ZSWIM8: variants seen among roughly 807,000 people sequenced by gnomAD.
ZSWIM8 encodes the protein zinc finger SWIM-type containing 8.
In ZSWIM8, 27 loss-of-function variants were observed where a neutral mutation model predicts 173.7. The observed-to-expected ratio is 0.16, with a 90% CI of 0.11 to 0.21. The LOEUF is 0.21. ZSWIM8 is among the 10% of genes least tolerant of loss of function. The pLI is 1.00. For missense variants in ZSWIM8, 1,627 were observed against 2,428.8 expected (o/e 0.67, Z 6.94); for synonymous variants, 958 against 962.0 (o/e 1.00, Z 0.08).
rs1404611656 is a variant in ZSWIM8, at chr10:73,789,327, C to T, written c.458-40C>T. ...CAGGGTCAAGGGCAGAGACCCAGGT[C>T]CTGACAGCACTCCCTGACCATGCCC... On this transcript the variant is annotated intron_variant, in intron 3 of 25. Transcript: ENST00000604729. The surrounding 1 kb of genome is among the most constrained non-coding windows in gnomAD (Gnocchi z 6.8). 6.4e-7 allele frequency: 1 copy of T among 1,558,908 alleles called. No individual in the cohort carries two copies. Among genetic ancestry groups the T allele is most frequent in the Admixed American group, 1.8e-5 (1 of 54,092 alleles).
At position 73,792,396 on chromosome 10, in the gene ZSWIM8, C is replaced by T. The variant is rs569453975; in HGVS notation, c.1857C>T (p.Ala619=). 17 of 1,604,878 alleles carry T rather than the reference C, an allele frequency of 1.1e-5. 1 individual carries two copies. Among genetic ancestry groups the T allele is most frequent in the Middle Eastern group, 1.7e-4 (1 of 6,052 alleles). Residue 619 remains alanine (A), a synonymous_variant, in exon 10 of 26, where the codon GCC becomes GCT. Transcript: ENST00000604729. This position sits in a 1 kb window ranked among gnomAD's most constrained non-coding sequence, Gnocchi z 4.3. The stretch of plus-strand genomic sequence containing the variant: ...ACAGCTCCCTGGAGCCAGACCTGGC[C>T]GAGATGAGCCTGGATGACAGCAGCC... The part of the protein sequence containing the change: ...SEDSSLEPDL[A]EMSLDDSSLA...
In ZSWIM8 at chr10:73,788,807, A is replaced by G. The variant is rs1326076540; in HGVS notation, c.346A>G (p.Asn116Asp). Residue 116 changes from asparagine to aspartate, a missense_variant, in exon 2 of 26, where the codon AAT becomes GAT. Physicochemically the swap from Asn to Asp is conservative, Grantham distance 23 (BLOSUM62 1). This residue lies in a region of ZSWIM8 where 29 missense variants were observed against 108.2 expected (regional missense o/e 0.27). Transcript: ENST00000604729. The stretch of plus-strand genomic sequence containing the variant: ...AATTGCTTTTTGGAGCTTCCCTGAG[A>G]ATGAAGAGGACATTCGGTGAGGCCA... ...LRIAFWSFPE[N>D]EEDIRLYSCL... The G allele has an allele frequency of 1.2e-6, 2 of 1,613,630 alleles. No homozygotes were observed. Among genetic ancestry groups the G allele is most frequent in the Non-Finnish European group, 1.7e-6 (2 of 1,179,880 alleles).
Position 73,798,360 on chromosome 10 carries a change from G to A in ZSWIM8, c.4083G>A (p.Arg1361=). The change falls in exon 20 of 26, where the codon AGG becomes AGA. Residue 1361 remains arginine (R), a synonymous_variant. Transcript: ENST00000604729. ...ASRARDSNMV[R]AAAELALSCL... ...GGGCAAGAGACTCCAATATGGTGAG[G>A]GCGGCAGCAGAGCTGGCCCTGAGCT... is the stretch of plus-strand genomic sequence containing the variant. The A allele has an allele frequency of 3.1e-6, 5 of 1,614,030 alleles. No individual in the cohort carries two copies. Among genetic ancestry groups the A allele is most frequent in the Non-Finnish European group, 4.2e-6 (5 of 1,179,892 alleles).
chr10:73,787,652 G>A lies in ZSWIM8; in HGVS notation c.209-1018G>A, dbSNP rs111316346. ...GGATCACTTGTGGTCAGGAGTTTGA[G>A]ACCAGCTTGGCCAACATGGTGAAAC... On this transcript the variant is annotated intron_variant, in intron 1 of 25. Transcript: ENST00000604729. 5.8e-3 allele frequency among the ~76,000 whole-genome samples: 880 copies of A among 152,190 alleles called. 16 individuals are homozygous for A. The highest frequency in any genetic ancestry group is 0.02 in the African/African-American group (831 of 41,518).
chr10:73,800,422 A>G lies in ZSWIM8; in HGVS notation c.4952A>G (p.Gln1651Arg). 6.2e-7 allele frequency: 1 copy of G among 1,613,902 alleles called. No individual in the cohort carries two copies. The change falls in exon 23 of 26, where the codon CAG becomes CGG. Residue 1651 changes from glutamine to arginine, a missense_variant. Transcript: ENST00000604729. This position sits in a 1 kb window ranked among gnomAD's most constrained non-coding sequence, Gnocchi z 4.1. ...FPPPEEETHS[Q>R]PVNPHSLHHL... The stretch of plus-strand genomic sequence containing the variant: ...CCGCCCGAGGAGGAGACACACAGTC[A>G]GCCAGTCAATCCCCACAGCCTGCAC...
intron 1 of ZSWIM8, among the ~76,000 whole-genome samples, chr10:73,788,235 A>G (rs1565068744): frequency 6.7e-6 from 1 of 149,108 alleles, no homozygotes; most frequent in Non-Finnish European, 1.5e-5. Flanking sequence ...AGTAAAAGGG[A>G]TGGTTAAAAA....
At position 73,799,713 on chromosome 10, in the gene ZSWIM8, T is replaced by C. The variant is rs2083836528; in HGVS notation, c.4665+223T>C. 3 of 688,194 alleles carry C rather than the reference T, an allele frequency of 4.4e-6. No homozygotes were observed. The South Asian group carries it at 5.7e-5, about 13-fold the overall frequency. 42.6% of individuals were successfully genotyped at this position (688,194 alleles called of 1,614,324 possible). ...TGAGAGGCCGATGTGGGTGGATCAC[T>C]TGAGGTCAGGAGTTCGAGACCAGCC... On this transcript the variant is annotated intron_variant, in intron 21 of 25. Transcript: ENST00000604729.
At position 73,800,504 on chromosome 10, in the gene ZSWIM8, T is replaced by C; in HGVS notation, c.5002+32T>C. 1 of 1,610,954 alleles carries C rather than the reference T, an allele frequency of 6.2e-7. No individual in the cohort carries two copies. Among genetic ancestry groups the C allele is most frequent in the Non-Finnish European group, 8.5e-7 (1 of 1,178,150 alleles). The stretch of plus-strand genomic sequence containing the variant: ...GGACATCCCTTTCTGTGCTCCTACC[T>C]GCAGTTGTGCCAGTGGCTCTTCAGA... On this transcript the variant is annotated intron_variant, in intron 23 of 25. Coordinates refer to ENST00000604729, the MANE Select transcript of ZSWIM8 (RefSeq NM_001367799.1). The surrounding 1 kb of genome is among the most constrained non-coding windows in gnomAD (Gnocchi z 4.1).
Position 73,792,599 on chromosome 10 carries a change from G to A in ZSWIM8, c.2060G>A (p.Gly687Asp). 1.2e-6 allele frequency: 2 copies of A among 1,613,968 alleles called. No homozygotes were observed. Among genetic ancestry groups the A allele is most frequent in the Non-Finnish European group, 1.7e-6 (2 of 1,179,864 alleles). The change falls in exon 10 of 26, where the codon GGC becomes GAC. Residue 687 changes from glycine to aspartate, a missense_variant. Physicochemically the swap from Gly to Asp is moderately conservative, Grantham distance 94 (BLOSUM62 -1). Around this residue, in one of 18 missense-constraint regions of ZSWIM8, gnomAD observed 383 missense variants for 394.8 expected, o/e 0.97. Transcript: ENST00000604729. This position sits in a 1 kb window ranked among gnomAD's most constrained non-coding sequence, Gnocchi z 4.3. ...EGPEPPTASVGPPGLLPGDVC... is the reference protein window; with the variant it reads ...EGPEPPTASVDPPGLLPGDVC... ...CCTGAGCCTCCCACAGCCTCTGTTGGCCCCCCTGGCCTACTGCCTGGGGAT... is the reference window on the plus strand; with the variant it reads ...CCTGAGCCTCCCACAGCCTCTGTTGACCCCCCTGGCCTACTGCCTGGGGAT...
At position 73,792,425 on chromosome 10, in the gene ZSWIM8, C is replaced by G. The variant is rs780319048; in HGVS notation, c.1886C>G (p.Ala629Gly). ...ATGAGCCTGGATGACAGCAGCCTGG[C>G]CCTGGGCGCAGAGGCCAGCACCTTC... ...AEMSLDDSSL[A>G]LGAEASTFGG... Residue 629 changes from alanine (A) to glycine (G), a missense_variant, in exon 10 of 26, where the codon GCC becomes GGC. Ala to Gly is a moderately conservative substitution (Grantham distance 60). This residue lies in a region of ZSWIM8 where 383 missense variants were observed against 394.8 expected (regional missense o/e 0.97). Coordinates refer to ENST00000604729, the MANE Select transcript of ZSWIM8 (RefSeq NM_001367799.1). The surrounding 1 kb of genome is among the most constrained non-coding windows in gnomAD (Gnocchi z 4.3). 1.2e-6 allele frequency: 2 copies of G among 1,604,176 alleles called. No individual in the cohort carries two copies. Among genetic ancestry groups the G allele is most frequent in the South Asian group, 2.2e-5 (2 of 89,852 alleles).
Position 73,800,788 on chromosome 10 carries a change from C to G in ZSWIM8, c.5122+29C>G. The G allele has an allele frequency of 5.6e-6, 6 of 1,076,472 alleles. No homozygotes were observed. The highest frequency in any genetic ancestry group is 7.8e-6 in the Non-Finnish European group (6 of 769,252). 66.7% of individuals were successfully genotyped at this position (1,076,472 alleles called of 1,614,324 possible). On this transcript the variant is annotated intron_variant, in intron 24 of 25. Transcript: ENST00000604729. This position sits in a 1 kb window ranked among gnomAD's most constrained non-coding sequence, Gnocchi z 4.1. ...ACACCTCCCCTCCCTAGGACCATTG[C>G]CCCCCCCCCACCTGCTCTCCCCACC...
chr10:73,789,164 G>T lies in ZSWIM8; in HGVS notation c.431G>T (p.Arg144Leu). 1 of 1,613,986 alleles carries T rather than the reference G, an allele frequency of 6.2e-7. No homozygotes were observed. The highest frequency in any genetic ancestry group is 1.1e-5 in the South Asian group (1 of 91,082). ...CGAGGGGATCAGCTCTTCCGCATGCGGGCTGTGAAGGACCCATTGCAGATA... is the reference window on the plus strand; with the variant it reads ...CGAGGGGATCAGCTCTTCCGCATGCTGGCTGTGAAGGACCCATTGCAGATA... ...FQRGDQLFRM[R>L]AVKDPLQIGF... Residue 144 changes from arginine to leucine, a missense_variant, in exon 3 of 26, where the codon CGG becomes CTG. Coordinates refer to ENST00000604729, the MANE Select transcript of ZSWIM8 (RefSeq NM_001367799.1). The surrounding 1 kb of genome is among the most constrained non-coding windows in gnomAD (Gnocchi z 6.8).
rs762685477 is a variant in ZSWIM8, at chr10:73,794,347, T to C, written c.2809+17T>C. 1 of 1,611,404 alleles carries C rather than the reference T, an allele frequency of 6.2e-7. No homozygotes were observed. The highest frequency in any genetic ancestry group is 2.2e-5 in the East Asian group (1 of 44,860). ...GTGCTCCAGGTATGATGCCTGACCC[T>C]ACAGTAAGTGGGGAACTGGGGTAGG... On this transcript the variant is annotated intron_variant, in intron 13 of 25. Transcript: ENST00000604729.
chr10:73,790,484 G>C (rs1297502723), intron 7 of ZSWIM8, among the ~76,000 whole-genome samples, 192 bp downstream of exon 7: 1 of 152,344 alleles, frequency 6.6e-6, no homozygotes, highest in East Asian at 1.9e-4. Context: ...AGAGTGGTCT[G>C]CTCTTACCTA....
intron 2 of ZSWIM8, 128 bp from the exon 3 acceptor site, chr10:73,788,968 C>A: frequency 2.0e-6 from 1 of 489,710 alleles, no homozygotes; most frequent in Non-Finnish European, 3.6e-6. Context: ...TCCACTCCCT[C>A]CCCCCCACCC....
chr10:73,789,578 T>C lies in ZSWIM8; in HGVS notation c.630+39T>C, dbSNP rs2083343109. 6.3e-7 allele frequency: 1 copy of C among 1,599,146 alleles called. No individual in the cohort carries two copies. The highest frequency in any genetic ancestry group is 1.7e-5 in the Admixed American group (1 of 58,688). ...AATTTATCCCGGCCCTATCCTACAC[T>C]CCATCCCCCCCTTCTCTGCTGCATG... On this transcript the variant is annotated intron_variant, in intron 4 of 25. Coordinates refer to ENST00000604729, the MANE Select transcript of ZSWIM8 (RefSeq NM_001367799.1). The surrounding 1 kb of genome is among the most constrained non-coding windows in gnomAD (Gnocchi z 6.8).
rs780472530 is a variant in ZSWIM8, at chr10:73,789,554, A to G, written c.630+15A>G. ...GCATCCACAACGTGAGGCCCTCCCA[A>G]TTTATCCCGGCCCTATCCTACACTC... is the stretch of plus-strand genomic sequence containing the variant. On this transcript the variant is annotated intron_variant, in intron 4 of 25. Coordinates refer to ENST00000604729, the MANE Select transcript of ZSWIM8 (RefSeq NM_001367799.1). The surrounding 1 kb of genome is among the most constrained non-coding windows in gnomAD (Gnocchi z 6.8). The G allele has an allele frequency of 1.2e-6, 2 of 1,609,306 alleles. No individual in the cohort carries two copies. Among genetic ancestry groups the G allele is most frequent in the Non-Finnish European group, 1.7e-6 (2 of 1,178,790 alleles).
chr10:73,785,675 C>T lies in ZSWIM8; in HGVS notation c.-204C>T. On this transcript the variant is annotated 5_prime_UTR_variant, in exon 1 of 26. Transcript: ENST00000604729. ...AAGTCTCGGAGACTGGCCAAGATCA[C>T]CGCTTGCACCGCGCTGTTGGGCGAG... 1.5e-6 allele frequency: 1 copy of T among 651,544 alleles called. No individual in the cohort carries two copies. Among genetic ancestry groups the T allele is most frequent in the Non-Finnish European group, 2.8e-6 (1 of 353,576 alleles). The allele number at this position is 651,544 out of a possible 1,614,324, so 40.4% of individuals were successfully genotyped here.
chr10:73,786,996 T>G (rs2083251239), intron 1 of ZSWIM8, among the ~76,000 whole-genome samples: 2 of 149,824 alleles, frequency 1.3e-5, no homozygotes, highest in South Asian at 4.2e-4. Context: ...CAGGCTGGAG[T>G]GCAATGGCAC....
Sources: allele counts gnomAD v4.1 joint callset (sites outside exome capture counted in the v4.1 genomes callset), GRCh38; gene constraint gnomAD v4.1.1; regional missense constraint gnomAD v4.1.1; non-coding constraint Gnocchi (gnomAD v3.1); transcripts MANE v1.5; gene names NCBI Gene and HGNC (gene_info 2026-07-23, HGNC 2026-07-21).